BBS7: variants seen among roughly 807,000 people sequenced by gnomAD.
BBS7 encodes the protein Bardet-Biedl syndrome 7, also known as BBSome complex member BBS7.
BBS7 carries 50 observed loss-of-function variants against 90.3 expected under a neutral mutation model. The ratio of observed to expected loss-of-function variants is 0.55; its 90% CI spans 0.44 to 0.70. The LOEUF is 0.70. Among genes scored for constraint, BBS7 ranks in the 30% least tolerant of loss-of-function variants. BBS7 has a pLI of 0.00. For missense variants in BBS7, 729 were observed against 838.9 expected (o/e 0.87, Z 1.62); for synonymous variants, 235 against 287.4 (o/e 0.82, Z 1.85).
intron 7 of BBS7, 131 bp downstream of exon 7, chr4:121,854,573 A>G: frequency 2.4e-6 from 2 of 833,256 alleles, no homozygotes; most frequent in South Asian, 5.3e-5. Flanking sequence ...ATAAACAAAT[A>G]GTAGATAAAT....
intron 2 of BBS7, among the ~76,000 whole-genome samples, chr4:121,867,498 T>G (rs1205156405): frequency 6.6e-6 from 1 of 152,242 alleles, no homozygotes; most frequent in Non-Finnish European, 1.5e-5. Context: ...TATATCAGGA[T>G]AAAGTATTTT....
At chr4:121,855,809 TAC>T (rs1460724425) in intron 5 of BBS7, among the ~76,000 whole-genome samples, 3 of 151,158 alleles carry the variant, frequency 2.0e-5, no homozygotes, top group South Asian at 2.1e-4. Flanking sequence ...TACAGATATG[TAC>T]ACACATGTAT....
At chr4:121,838,127 C>G (rs540203841) in intron 13 of BBS7, among the ~76,000 whole-genome samples, 1 of 151,478 alleles carries the variant, frequency 6.6e-6, no homozygotes, top group African/African-American at 2.4e-5. Flanking sequence ...AGAAACATTG[C>G]TTTTAATCAA....
chr4:121,851,198 T>C (rs942077777), intron 8 of BBS7, among the ~76,000 whole-genome samples: 1 of 152,086 alleles, frequency 6.6e-6, no homozygotes, highest in Admixed American at 6.6e-5. Flanking sequence ...TTTAATGCAA[T>C]ATACTTGGAA....
intron 12 of BBS7, among the ~76,000 whole-genome samples, chr4:121,842,440 GC>G (rs764265898): frequency 5.3e-4 from 80 of 151,736 alleles, no homozygotes; most frequent in Admixed American, 6.6e-4. Context: ...TTTGAGACCA[GC>G]CTGGGCAACA....
chr4:121,833,428 T>C (rs532077043), intron 14 of BBS7, 33 bp from the exon 15 acceptor site: 1 of 1,597,008 alleles, frequency 6.3e-7, no homozygotes, highest in South Asian at 1.1e-5. Flanking sequence ...CACATTTATG[T>C]GTGGGAATAC....
At chr4:121,858,733 T>C in intron 5 of BBS7, 1 of 395,468 alleles carries the variant, frequency 2.5e-6, no homozygotes, top group Middle Eastern at 7.4e-4. Context: ...AAGTACTCCA[T>C]TCTGATAATA....
chr4:121,853,428 A>G (rs994189627), intron 7 of BBS7, among the ~76,000 whole-genome samples: 4 of 151,816 alleles, frequency 2.6e-5, no homozygotes, highest in South Asian at 4.2e-4. Flanking sequence ...ATACCCCCTC[A>G]ATACTGCTCC....
intron 5 of BBS7, among the ~76,000 whole-genome samples, chr4:121,857,929 C>G (rs923154614): frequency 6.6e-6 from 1 of 151,734 alleles, no homozygotes; most frequent in Non-Finnish European, 1.5e-5. Context: ...GCTTCAGCCT[C>G]CTGAGTAACT....
At chr4:121,844,533 G>T (rs955582925) in intron 11 of BBS7, among the ~76,000 whole-genome samples, 2 of 149,540 alleles carry the variant, frequency 1.3e-5, no homozygotes, top group Admixed American at 6.7e-5. Flanking sequence ...CTGCCTTTAG[G>T]TTTTTTTTTT....
At chr4:121,840,288 G>A (rs1423703778) in intron 12 of BBS7, among the ~76,000 whole-genome samples, 2 of 152,184 alleles carry the variant, frequency 1.3e-5, no homozygotes, top group Non-Finnish European at 2.9e-5. Context: ...CTTCCGCCAT[G>A]ATTGTGAGGC....
At chr4:121,865,995 G>GT (rs893155860) in intron 2 of BBS7, among the ~76,000 whole-genome samples, 3 of 151,952 alleles carry the variant, frequency 2.0e-5, no homozygotes, top group South Asian at 4.2e-4. Context: ...ATTTTTTCAT[G>GT]TTTTTTTGGT....
In BBS7 at chr4:121,848,900, T is replaced by C; in HGVS notation, c.878A>G (p.Gln293Arg). 1 of 1,613,948 alleles carries C rather than the reference T, an allele frequency of 6.2e-7. No homozygotes were observed. Among genetic ancestry groups the C allele is most frequent in the South Asian group, 1.1e-5 (1 of 91,088 alleles). Reference protein sequence around the residue: ...QMLSESVTSIQGGCVGKDSYD... With the variant: ...QMLSESVTSIRGGCVGKDSYD... ...GCTGTCTTTTCCTACACAACCACCC[T>C]GGATAGATGTGACGCTTTCAGACAA... Residue 293 changes from glutamine to arginine, a missense_variant, in exon 9 of 19, where the codon CAG becomes CGG. Coordinates refer to ENST00000264499, the MANE Select transcript of BBS7 (RefSeq NM_176824.3).
rs116596544 is a variant in BBS7, at chr4:121,855,665, T to C, written c.529-104A>G. On this transcript the variant is annotated intron_variant, in intron 5 of 18. Transcript: ENST00000264499. ...CAAATACAGTACTCTTAGTAACACC[T>C]AGAATAAAATTGCTTTAAAAATTAG... 2.0e-4 allele frequency: 205 copies of C among 1,037,272 alleles called. No individual in the cohort carries two copies. In the African/African-American group the frequency reaches 3.0e-3, roughly 15 times the overall value. 64.3% of individuals were successfully genotyped at this position (1,037,272 alleles called of 1,614,324 possible).
In BBS7 at chr4:121,870,300, A is replaced by T; in HGVS notation, c.14T>A (p.Leu5Ter). 1.9e-6 allele frequency: 3 copies of T among 1,614,176 alleles called. No individual in the cohort carries two copies. Among genetic ancestry groups the T allele is most frequent in the Non-Finnish European group, 2.5e-6 (3 of 1,180,010 alleles). ...TACCTGCAGATAATCCATTCGGTTTAAAATCAGATCCATGATGACTACGCG... is the reference window on the plus strand; with the variant it reads ...TACCTGCAGATAATCCATTCGGTTTTAAATCAGATCCATGATGACTACGCG... MDLI[L>*]NRMDYLQVGV... is the part of the protein sequence containing the mutation. The change falls in exon 1 of 19, where the codon TTA (leucine) becomes TAA (stop). Residue 5 changes from leucine to a stop codon, truncating the protein, a stop_gained. Transcript: ENST00000264499. LOFTEE classifies it high-confidence loss of function.
intron 2 of BBS7, among the ~76,000 whole-genome samples, chr4:121,866,653 C>T (rs1181145019): frequency 6.6e-6 from 1 of 152,160 alleles, no homozygotes; most frequent in Non-Finnish European, 1.5e-5. Flanking sequence ...TATGAATATT[C>T]AGTTTTCCCA....
At position 121,840,529 on chromosome 4, in the gene BBS7, G is replaced by A. The variant is rs566999915; in HGVS notation, c.1306-833C>T. On this transcript the variant is annotated intron_variant, in intron 12 of 18. Coordinates refer to ENST00000264499, the MANE Select transcript of BBS7 (RefSeq NM_176824.3). ...TTCCCAGCAAATGGCACAGTGCCTGGCATACTGTAAGTGCTTAATACATGT... is the reference window on the plus strand; with the variant it reads ...TTCCCAGCAAATGGCACAGTGCCTGACATACTGTAAGTGCTTAATACATGT... 3.9e-5 allele frequency among the ~76,000 whole-genome samples: 6 copies of A among 152,264 alleles called. No individual in the cohort carries two copies. In the South Asian group the frequency reaches 1.2e-3, roughly 32 times the overall value.
At chr4:121,848,665 T>C (rs60702444) in intron 9 of BBS7, among the ~76,000 whole-genome samples, 179 bp downstream of exon 9, 6,632 of 152,280 alleles carry the variant, frequency 0.044, 474 homozygotes, top group African/African-American at 0.15. Flanking sequence ...ATAATATATA[T>C]AGAGTTCAGC....
At chr4:121,827,725 AAT>A (rs1724976465) in intron 18 of BBS7, 1 of 884,128 alleles carries the variant, frequency 1.1e-6, no homozygotes, top group Non-Finnish European at 1.4e-6. Context: ...ACACAACACA[AAT>A]ACTGTATATC....
Sources: allele counts gnomAD v4.1 joint callset (sites outside exome capture counted in the v4.1 genomes callset), GRCh38; gene constraint gnomAD v4.1.1; transcripts MANE v1.5; gene names NCBI Gene and HGNC (gene_info 2026-07-23, HGNC 2026-07-21).